Variants in EFTUD2 observed in about 807,000 individuals in gnomAD.
EFTUD2 encodes elongation factor Tu GTP binding domain containing 2, also known as 116 kDa U5 small nuclear ribonucleoprotein component.
A neutral mutation model predicts 114.3 loss-of-function variants in EFTUD2; 9 were observed. The observed-to-expected ratio is 0.08, with a 90% CI of 0.05 to 0.14. The LOEUF (loss-of-function observed/expected upper bound fraction) is 0.14, where lower values mean the gene tolerates loss of function less well. Ranked by LOEUF, EFTUD2 falls within the 10% of genes least tolerant of loss-of-function variation. EFTUD2 has a pLI of 1.00. For missense variants in EFTUD2, 765 were observed against 1,241.2 expected (o/e 0.62, Z 5.76); for synonymous variants, 449 against 462.3 (o/e 0.97, Z 0.37).
intron 2 of EFTUD2, among the ~76,000 whole-genome samples, chr17:44,889,466 T>C (rs181316197): frequency 2.7e-4 from 41 of 152,256 alleles, no homozygotes; most frequent in Non-Finnish European, 1.8e-4. Context: ...GATGATCCTG[T>C]AGACAGGGAA....
At position 44,864,973 on chromosome 17, in the gene EFTUD2, G is replaced by A. The variant is rs1433562191; in HGVS notation, c.1242C>T (p.Pro414=). ...ACTTTTTGCAGACCAGCCTGAGCAA[G>A]GGGCGGATGTTCAGCTTCAGCTCCT... The part of the protein sequence containing the change: ...TKEELKLNIR[P]LLRLVCKKFF... Residue 414 remains proline, a synonymous_variant, in exon 14 of 28, where the codon CCC becomes CCT. Transcript: ENST00000426333. The A allele has an allele frequency of 2.5e-6, 4 of 1,614,070 alleles. No individual in the cohort carries two copies. Among genetic ancestry groups the A allele is most frequent in the African/African-American group, 1.3e-5 (1 of 74,910 alleles).
At chr17:44,864,464 G>T (rs551495151) in intron 14 of EFTUD2, among the ~76,000 whole-genome samples, 1 of 152,312 alleles carries the variant, frequency 6.6e-6, no homozygotes, top group East Asian at 1.9e-4. Context: ...CTGGCCCAGG[G>T]TCATCTCATG....
rs2050519562 is a variant in EFTUD2, at chr17:44,854,875, T to TCCCTGCCTCCTTTCGA, written c.2132+27_2132+42dup. On this transcript the variant is annotated intron_variant, in intron 21 of 27. Coordinates refer to ENST00000426333, the MANE Select transcript of EFTUD2 (RefSeq NM_004247.4). The surrounding 1 kb of genome is among the most constrained non-coding windows in gnomAD (Gnocchi z 4.3). Reference sequence around the variant, plus strand: ...GAGACCCGGCAGTTAAACTGTGGCATCCCTGCCTCCTTTCGACCCTGGCGT... The same window carrying TCCCTGCCTCCTTTCGA: ...GAGACCCGGCAGTTAAACTGTGGCATCCCTGCCTCCTTTCGACCCTGCCTCCTTTCGACCCTGGCGT... The TCCCTGCCTCCTTTCGA allele has an allele frequency of 6.3e-7, 1 of 1,599,680 alleles. No individual in the cohort carries two copies. The highest frequency in any genetic ancestry group is 8.6e-7 in the Non-Finnish European group (1 of 1,167,144).
chr17:44,865,246 C>A, intron 13 of EFTUD2, 181 bp from the exon 14 acceptor site: 1 of 793,070 alleles, frequency 1.3e-6, no homozygotes, highest in South Asian at 2.1e-5. Flanking sequence ...ACCTACCCTT[C>A]AAACCACAGG....
chr17:44,870,839 G>A (rs1413121579), intron 11 of EFTUD2, among the ~76,000 whole-genome samples: 2 of 152,006 alleles, frequency 1.3e-5, no homozygotes, highest in African/African-American at 4.8e-5. Context: ...CCAACATGGT[G>A]AAACCCCATC....
In EFTUD2 at chr17:44,867,014, G is replaced by A. The variant is rs532920354; in HGVS notation, c.1149+793C>T. Among the ~76,000 whole-genome samples the A allele has an allele frequency of 1.5e-3, 223 of 152,128 alleles. 1 individual carries two copies. Among genetic ancestry groups the A allele is most frequent in the Non-Finnish European group, 2.7e-3 (182 of 68,032 alleles). On this transcript the variant is annotated intron_variant, in intron 13 of 27. Coordinates refer to ENST00000426333, the MANE Select transcript of EFTUD2 (RefSeq NM_004247.4). ...CCCAGCTTCTCAGGAGGCTGAGGTG[G>A]GAGGATTGCTCAAACCTAGGAGTTT...
intron 16 of EFTUD2, 118 bp from the exon 17 acceptor site, chr17:44,860,661 C>T: frequency 1.5e-6 from 1 of 659,076 alleles, no homozygotes; most frequent in Non-Finnish European, 2.6e-6. Context: ...TGCAGTGGCA[C>T]AATCTTGGCT....
At position 44,867,819 on chromosome 17, in the gene EFTUD2, C is replaced by T. The variant is rs2145487497; in HGVS notation, c.1137G>A (p.Lys379=). 6.3e-7 allele frequency: 1 copy of T among 1,598,876 alleles called. No homozygotes were observed. The highest frequency in any genetic ancestry group is 8.5e-7 in the Non-Finnish European group (1 of 1,172,120). The change falls in exon 13 of 28, where the codon AAG becomes AAA. Residue 379 remains lysine, a synonymous_variant. Coordinates refer to ENST00000426333, the MANE Select transcript of EFTUD2 (RefSeq NM_004247.4). The part of the protein sequence containing the change: ...FVEFILEPLY[K]ILAQVVGDVD... ...CTGACACACTCACCTGGGCGAGGAT[C>T]TTATAAAGAGGCTCCAAGATAAACT...
intron 11 of EFTUD2, among the ~76,000 whole-genome samples, chr17:44,870,030 C>A (rs1459715624): frequency 6.6e-6 from 1 of 152,170 alleles, no homozygotes; most frequent in Non-Finnish European, 1.5e-5. Flanking sequence ...TTTCTGTGAC[C>A]ATGGGCATAG....
In EFTUD2 at chr17:44,886,637, A is replaced by G. The variant is rs1272633811; in HGVS notation, c.219T>C (p.Tyr73=). The G allele has an allele frequency of 1.2e-6, 2 of 1,614,042 alleles. No individual in the cohort carries two copies. The highest frequency in any genetic ancestry group is 1.7e-6 in the Non-Finnish European group (2 of 1,180,036). Residue 73 remains tyrosine, a synonymous_variant, in exon 3 of 28, where the codon TAT becomes TAC. Coordinates refer to ENST00000426333, the MANE Select transcript of EFTUD2 (RefSeq NM_004247.4). ...GAACTATGGTCTCCACCTCAGGACC[A>G]TACACCTCCTCGGCTGTTGGGTAGT... is the stretch of plus-strand genomic sequence containing the variant. ...KKYYPTAEEV[Y]GPEVETIVQE...
rs1164928169 is a variant in EFTUD2, at chr17:44,859,985, G to C, written c.1780C>G (p.Pro594Ala). 5 of 1,614,188 alleles carry C rather than the reference G, an allele frequency of 3.1e-6. No individual in the cohort carries two copies. The highest frequency in any genetic ancestry group is 4.2e-6 in the Non-Finnish European group (5 of 1,180,030). ...TTGGGCAGCTCTGAGGGGTTGACTGGCTCCACAGCAATCTTGATAACAGAT... is the reference window on the plus strand; with the variant it reads ...TTGGGCAGCTCTGAGGGGTTGACTGCCTCCACAGCAATCTTGATAACAGAT... ...TTSVIKIAVE[P>A]VNPSELPKML... is the part of the protein sequence containing the mutation. Residue 594 changes from proline to alanine, a missense_variant, in exon 18 of 28, where the codon CCA becomes GCA. Around this residue, in one of 6 missense-constraint regions of EFTUD2, gnomAD observed 149 missense variants for 245.1 expected, o/e 0.61. Transcript: ENST00000426333.
chr17:44,871,699 A>C (rs1329666908), intron 11 of EFTUD2, among the ~76,000 whole-genome samples: 2 of 152,148 alleles, frequency 1.3e-5, no homozygotes, highest in Non-Finnish European at 2.9e-5. Flanking sequence ...CTCCATGCTA[A>C]GAGTGCGGCA....
chr17:44,894,067 C>CA (rs60319837), intron 2 of EFTUD2: 57,367 of 157,630 alleles, frequency 0.36, 8,557 homozygotes, highest in Middle Eastern at 0.48. Flanking sequence ...GAGACTGTCT[C>CA]AAAAAAAAAA....
At chr17:44,856,130 C>CAAAAAAAAAA (rs1045415785) in intron 20 of EFTUD2, among the ~76,000 whole-genome samples, 1 of 37,352 alleles carries the variant, frequency 2.7e-5, no homozygotes. Context: ...GACCCTGTCT[C>CAAAAAAAAAA]AAAAAAAAAA....
chr17:44,879,665 T>G, intron 8 of EFTUD2, 27 bp from the exon 9 acceptor site: 2 of 1,610,432 alleles, frequency 1.2e-6, no homozygotes, highest in Non-Finnish European at 8.5e-7. Flanking sequence ...AAGTAAGTCA[T>G]CACTTGGTGC....
intron 7 of EFTUD2, among the ~76,000 whole-genome samples, chr17:44,881,339 G>C (rs749164297): frequency 6.6e-6 from 1 of 152,204 alleles, no homozygotes; most frequent in East Asian, 1.9e-4. Flanking sequence ...CTCATCCTGC[G>C]GATTTTTAAA....
chr17:44,860,232 G>T, intron 17 of EFTUD2, 187 bp from the exon 18 acceptor site: 1 of 851,618 alleles, frequency 1.2e-6, no homozygotes, highest in Non-Finnish European at 1.8e-6. Context: ...ACAAAGAGAG[G>T]AGGAAAATAA....
At chr17:44,868,403 TTC>T (rs2050788969) in intron 11 of EFTUD2, 53 bp from the exon 12 acceptor site, 2 of 1,592,210 alleles carry the variant, frequency 1.3e-6, no homozygotes, top group African/African-American at 2.7e-5. Flanking sequence ...TCGTTCAAAA[TTC>T]TGTTTCAGGT....
In EFTUD2 at chr17:44,855,951, C is replaced by A. The variant is rs1316056486; in HGVS notation, c.2046-947G>T. On this transcript the variant is annotated intron_variant, in intron 20 of 27. Coordinates refer to ENST00000426333, the MANE Select transcript of EFTUD2 (RefSeq NM_004247.4). ...TGGGCTACAGAGTGAGACTCTATGT[C>A]TCAAAAGAAAAAAAAAAAAAGAAAA... Among the ~76,000 whole-genome samples, 4 of 141,528 alleles carry A rather than the reference C, an allele frequency of 2.8e-5. No homozygotes were observed. In the East Asian group the frequency reaches 8.2e-4, roughly 29 times the overall value. 92.8% of individuals were successfully genotyped at this position (141,528 alleles called of 152,430 possible).
Sources: gnomAD v4.1 joint callset for allele counts (sites outside exome capture counted in the v4.1 genomes callset) on GRCh38, gnomAD v4.1.1 for gene constraint, gnomAD v4.1.1 regional missense constraint, Gnocchi (gnomAD v3.1) non-coding constraint, MANE v1.5 for transcripts, NCBI Gene and HGNC (gene_info 2026-07-23, HGNC 2026-07-21) for gene names.